GRID2: variants seen among roughly 807,000 people sequenced by gnomAD.
GRID2 encodes the protein glutamate receptor ionotropic, delta-2.
Under a neutral mutation model 114.8 loss-of-function variants are expected in GRID2, and 33 were observed. The observed-to-expected ratio is 0.29, with a 90% CI of 0.22 to 0.38. GRID2 has a LOEUF of 0.38. GRID2 is among the 10% of genes least tolerant of loss of function. GRID2 has a pLI of 1.00. For missense variants in GRID2, 1,184 were observed against 1,257.7 expected (o/e 0.94, Z 0.89); for synonymous variants, 505 against 449.9 (o/e 1.12, Z -1.55).
intron 2 of GRID2, among the ~76,000 whole-genome samples, chr4:92,977,379 G>A (rs1357941255): frequency 6.6e-6 from 1 of 152,108 alleles, no homozygotes; most frequent in Non-Finnish European, 1.5e-5. Flanking sequence ...AAGGGTTCAA[G>A]GTTAAGAAAG....
At chr4:92,539,097 G>A (rs763587938) in intron 1 of GRID2, among the ~76,000 whole-genome samples, 2 of 140,150 alleles carry the variant, frequency 1.4e-5, no homozygotes, top group Non-Finnish European at 3.1e-5. Context: ...AAACTTTAAG[G>A]AATGTGATTG....
At chr4:92,696,371 A>G (rs1258890273) in intron 2 of GRID2, among the ~76,000 whole-genome samples, 1 of 152,184 alleles carries the variant, frequency 6.6e-6, no homozygotes, top group Non-Finnish European at 1.5e-5. Flanking sequence ...AATATATATC[A>G]TTGCTTAAAT....
In GRID2 at chr4:93,681,151, G is replaced by A. The variant is rs573626637; in HGVS notation, c.2360+54716G>A. On this transcript the variant is annotated intron_variant, in intron 14 of 15. Coordinates refer to ENST00000282020, the MANE Select transcript of GRID2 (RefSeq NM_001510.4). ...TACACCAATAACAGACAAACAGAGC[G>A]AAATCATGAGTGAACTCCCATTCAC... 1.1e-4 allele frequency among the ~76,000 whole-genome samples: 16 copies of A among 147,870 alleles called. 1 individual carries two copies. Among genetic ancestry groups the A allele is most frequent in the East Asian group, 1.9e-4 (1 of 5,182 alleles).
intron 1 of GRID2, among the ~76,000 whole-genome samples, chr4:92,543,039 A>G (rs912760889): frequency 6.6e-6 from 1 of 152,146 alleles, no homozygotes; most frequent in South Asian, 2.1e-4. Flanking sequence ...GAACTCATGT[A>G]TTCTACAAAT....
At chr4:93,307,742 A>T (rs1178556285) in intron 8 of GRID2, among the ~76,000 whole-genome samples, 3 of 152,204 alleles carry the variant, frequency 2.0e-5, no homozygotes, top group Admixed American at 2.0e-4. Flanking sequence ...CATTCCAAAT[A>T]TTTCATAACT....
chr4:93,675,199 A>G (rs1304575439), intron 14 of GRID2, among the ~76,000 whole-genome samples: 2 of 152,168 alleles, frequency 1.3e-5, no homozygotes, highest in East Asian at 3.9e-4. Context: ...TACATCTCAA[A>G]GGTAATAAAT....
chr4:92,348,629 A>ACC (rs1727903423), intron 1 of GRID2, among the ~76,000 whole-genome samples: 2 of 152,178 alleles, frequency 1.3e-5, no homozygotes, highest in South Asian at 4.1e-4. Context: ...GGGTGTAGAA[A>ACC]TACAAGGTAT....
chr4:92,689,263 G>A (rs902052803), intron 2 of GRID2, among the ~76,000 whole-genome samples: 5 of 152,172 alleles, frequency 3.3e-5, no homozygotes, highest in Admixed American at 2.6e-4. Context: ...CCCCTAAAAA[G>A]GAAGTGAGCC....
At chr4:93,776,258 T>C (rs999059464), downstream of GRID2, among the ~76,000 whole-genome samples, 2 of 152,160 alleles carry the variant, frequency 1.3e-5, no homozygotes, top group Non-Finnish European at 2.9e-5. Context: ...GATTAACAAC[T>C]ATGGCCATAA....
intron 8 of GRID2, among the ~76,000 whole-genome samples, chr4:93,321,489 C>T (rs552507281): frequency 9.9e-5 from 15 of 151,978 alleles, no homozygotes; most frequent in East Asian, 3.9e-4. Context: ...TGTGTACAAT[C>T]GTTGATAAGT....
intron 8 of GRID2, among the ~76,000 whole-genome samples, chr4:93,368,406 G>GGT (rs112777542): frequency 6.6e-6 from 1 of 151,250 alleles, no homozygotes; most frequent in African/African-American, 2.4e-5. Context: ...AATAACTAAA[G>GGT]TTTTTTTTTA....
At chr4:92,958,328 CTG>C (rs909713475) in intron 2 of GRID2, among the ~76,000 whole-genome samples, 3 of 151,964 alleles carry the variant, frequency 2.0e-5, no homozygotes, top group Admixed American at 6.6e-5. Context: ...TCTTAGTTGA[CTG>C]AGAGATTTTA....
chr4:93,311,463 C>A (rs1344229389), intron 8 of GRID2, among the ~76,000 whole-genome samples: 1 of 152,102 alleles, frequency 6.6e-6, no homozygotes, highest in African/African-American at 2.4e-5. Context: ...CACTTTACGC[C>A]TGAGTTGCTT....
At chr4:92,742,583 A>G (rs960105007) in intron 2 of GRID2, among the ~76,000 whole-genome samples, 3 of 152,126 alleles carry the variant, frequency 2.0e-5, no homozygotes, top group Non-Finnish European at 2.9e-5. Context: ...TCCTGCATAC[A>G]TCTCTGTCTG....
At chr4:92,714,507 C>G (rs1330084675) in intron 2 of GRID2, among the ~76,000 whole-genome samples, 1 of 152,216 alleles carries the variant, frequency 6.6e-6, no homozygotes, top group African/African-American at 2.4e-5. Context: ...GGGGCTTCAA[C>G]CCCACATTTC....
At chr4:92,525,977 A>G (rs1464574780) in intron 1 of GRID2, among the ~76,000 whole-genome samples, 1 of 152,102 alleles carries the variant, frequency 6.6e-6, no homozygotes, top group Non-Finnish European at 1.5e-5. Flanking sequence ...AACGCTCTCT[A>G]TATATTTATA....
intron 14 of GRID2, among the ~76,000 whole-genome samples, chr4:93,628,740 TCTTG>T (rs1434963547): frequency 2.0e-5 from 3 of 151,728 alleles, no homozygotes; most frequent in African/African-American, 4.9e-5. Context: ...CTAAAGATGT[TCTTG>T]CTTTTCAGAC....
intron 1 of GRID2, among the ~76,000 whole-genome samples, chr4:92,420,769 C>A (rs555862369): frequency 3.3e-5 from 5 of 152,170 alleles, no homozygotes; most frequent in Non-Finnish European, 4.4e-5. Flanking sequence ...ACTGCAACAT[C>A]CACCTTCTGG....
At chr4:93,483,204 ATAT>A (rs747197821) in intron 11 of GRID2, among the ~76,000 whole-genome samples, 2 of 151,918 alleles carry the variant, frequency 1.3e-5, no homozygotes, top group Non-Finnish European at 2.9e-5. Flanking sequence ...AAACACGCTA[ATAT>A]TTATTTACAT....
Sources: gnomAD v4.1 joint callset for allele counts (sites outside exome capture counted in the v4.1 genomes callset) on GRCh38, gnomAD v4.1.1 for gene constraint, MANE v1.5 for transcripts, NCBI Gene and HGNC (gene_info 2026-07-23, HGNC 2026-07-21) for gene names.